SLC1A2: variants seen among roughly 807,000 people sequenced by gnomAD.
The protein encoded by SLC1A2 is excitatory amino acid transporter 2.
A neutral mutation model predicts 48.8 loss-of-function variants in SLC1A2; 15 were observed. The observed-to-expected ratio is 0.31, with a 90% confidence interval of 0.21 to 0.47. The LOEUF is 0.47. Ranked by LOEUF, SLC1A2 falls within the 20% of genes least tolerant of loss-of-function variation. SLC1A2 has a pLI of 0.99. For missense variants in SLC1A2, 502 were observed against 730.5 expected, an observed-to-expected ratio of 0.69 and a Z score of 3.61; for synonymous variants, 279 against 272.6, an observed-to-expected ratio of 1.02 and a Z score of -0.23.
chr11:35,331,531 C>T (rs959440812), intron 1 of SLC1A2, among the ~76,000 whole-genome samples: 24 of 152,228 alleles, frequency 1.6e-4, no homozygotes, highest in African/African-American at 5.8e-4. Flanking sequence ...GTAATGTTCT[C>T]ACCAGGAGAA....
chr11:35,343,746 G>GAAT (rs145529643), intron 1 of SLC1A2, among the ~76,000 whole-genome samples: 7 of 151,394 alleles, frequency 4.6e-5, no homozygotes, highest in Non-Finnish European at 8.8e-5. Context: ...CTGTGCACCA[G>GAAT]AATAATAATA....
chr11:35,312,395 C>T lies in SLC1A2; in HGVS notation c.364G>A (p.Val122Met). 1 of 1,614,172 alleles carries T rather than the reference C, an allele frequency of 6.2e-7. No individual in the cohort carries two copies. Among genetic ancestry groups the T allele is most frequent in the Non-Finnish European group, 8.5e-7 (1 of 1,180,000 alleles). The part of the protein sequence containing the change: ...ASGRLGTRAM[V>M]YYMSTTIIAA... ...ATGATGGTCGTGGACATGTAATACA[C>T]CATGGCTCTCGTGCCCAAGCGGCCA... Residue 122 changes from valine (V) to methionine (M), a missense_variant, in exon 4 of 11, where the codon GTG becomes ATG. Transcript: ENST00000278379.
chr11:35,284,856 G>T (rs1850760567), intron 8 of SLC1A2, among the ~76,000 whole-genome samples: 1 of 152,202 alleles, frequency 6.6e-6, no homozygotes, highest in African/African-American at 2.4e-5. Flanking sequence ...TGGTCCCTGA[G>T]CTTGGACTTT....
At chr11:35,362,545 A>G (rs192927709) in intron 1 of SLC1A2, among the ~76,000 whole-genome samples, 49 of 152,304 alleles carry the variant, frequency 3.2e-4, no homozygotes, top group African/African-American at 1.2e-3. Flanking sequence ...AACAGATGAT[A>G]ATAATAATAA....
intron 1 of SLC1A2, among the ~76,000 whole-genome samples, chr11:35,371,926 A>G (rs991157674): frequency 6.6e-6 from 1 of 152,260 alleles, no homozygotes; most frequent in African/African-American, 2.4e-5. Flanking sequence ...TTCAGTTGGA[A>G]AAGCAAATGC....
At chr11:35,394,765 C>T (rs1203578458) in intron 1 of SLC1A2, among the ~76,000 whole-genome samples, 1 of 152,138 alleles carries the variant, frequency 6.6e-6, no homozygotes, top group Non-Finnish European at 1.5e-5. Context: ...GTGCTGAGTC[C>T]CATTTCTGTT....
At chr11:35,294,635 A>T (rs1475798245) in intron 6 of SLC1A2, among the ~76,000 whole-genome samples, 1 of 152,198 alleles carries the variant, frequency 6.6e-6, no homozygotes, top group Non-Finnish European at 1.5e-5. Flanking sequence ...TACAAATATA[A>T]GCTGTTTGGG....
chr11:35,349,796 G>A (rs373512061), intron 1 of SLC1A2, among the ~76,000 whole-genome samples: 2 of 152,158 alleles, frequency 1.3e-5, no homozygotes, highest in African/African-American at 4.8e-5. Context: ...ATTGAGCGGG[G>A]AACACACAGT....
chr11:35,405,889 G>A (rs781402033), intron 1 of SLC1A2, among the ~76,000 whole-genome samples: 1 of 152,204 alleles, frequency 6.6e-6, no homozygotes. Flanking sequence ...AAAAGGAAAT[G>A]TTTTCTCAAC....
At chr11:35,290,865 T>G (rs538387902) in intron 7 of SLC1A2, among the ~76,000 whole-genome samples, 7 of 152,282 alleles carry the variant, frequency 4.6e-5, no homozygotes, top group African/African-American at 1.4e-4. Context: ...TAAGATTGTA[T>G]ATATTCCAGC....
intron 1 of SLC1A2, among the ~76,000 whole-genome samples, chr11:35,416,442 C>T (rs991554748): frequency 9.9e-5 from 15 of 152,188 alleles, no homozygotes; most frequent in African/African-American, 2.7e-4. Context: ...CTGGAAGAAT[C>T]AAATGTGATG....
At chr11:35,358,122 C>T (rs1439040986) in intron 1 of SLC1A2, among the ~76,000 whole-genome samples, 1 of 150,806 alleles carries the variant, frequency 6.6e-6, no homozygotes, top group Non-Finnish European at 1.5e-5. Flanking sequence ...TCCAGCCTGG[C>T]AACAGAGCAA....
At chr11:35,267,958 T>G (rs371872666) in intron 9 of SLC1A2, among the ~76,000 whole-genome samples, 6 of 152,224 alleles carry the variant, frequency 3.9e-5, no homozygotes, top group African/African-American at 1.4e-4. Flanking sequence ...CCAGCTTCTT[T>G]TCCCTGGCAA....
chr11:35,365,522 A>G (rs1853811686), intron 1 of SLC1A2, among the ~76,000 whole-genome samples: 1 of 152,138 alleles, frequency 6.6e-6, no homozygotes, highest in African/African-American at 2.4e-5. Context: ...GCCATTTTCA[A>G]GCAGAAACAT....
intron 4 of SLC1A2, 146 bp from the exon 5 acceptor site, chr11:35,306,388 A>C: frequency 1.7e-6 from 1 of 583,434 alleles, no homozygotes; most frequent in East Asian, 2.8e-5. Context: ...AAAACTGGAG[A>C]ATATTTTATA....
intron 1 of SLC1A2, among the ~76,000 whole-genome samples, chr11:35,395,671 C>CTT (rs111353211): frequency 1.6e-4 from 22 of 138,826 alleles, no homozygotes; most frequent in Non-Finnish European, 2.7e-4. Flanking sequence ...CTCCAAACTT[C>CTT]TTTTTTTTTT....
At chr11:35,408,299 A>G (rs937915078) in intron 1 of SLC1A2, among the ~76,000 whole-genome samples, 1 of 152,112 alleles carries the variant, frequency 6.6e-6, no homozygotes, top group African/African-American at 2.4e-5. Context: ...CCCCCTTGAT[A>G]TGGTTTGGCT....
At chr11:35,357,970 C>G (rs796595054) in intron 1 of SLC1A2, among the ~76,000 whole-genome samples, 5 of 152,074 alleles carry the variant, frequency 3.3e-5, no homozygotes, top group Admixed American at 6.5e-5. Context: ...CGTGGTAAAA[C>G]CCCGTCTCTA....
At chr11:35,367,093 A>G (rs558250736) in intron 1 of SLC1A2, among the ~76,000 whole-genome samples, 49 of 152,202 alleles carry the variant, frequency 3.2e-4, no homozygotes, top group Non-Finnish European at 6.0e-4. Flanking sequence ...TAAAAATCAT[A>G]TAGCATAACC....
Sources: gnomAD v4.1 joint callset for allele counts (sites outside exome capture counted in the v4.1 genomes callset) on GRCh38, gnomAD v4.1.1 for gene constraint, MANE v1.5 for transcripts, NCBI Gene and HGNC (gene_info 2026-07-23, HGNC 2026-07-21) for gene names.